ZNF318: variants seen among roughly 807,000 people sequenced by gnomAD.
ZNF318 encodes zinc finger protein 318.
Under a neutral mutation model 124.2 loss-of-function variants are expected in ZNF318, and 51 were observed. The ratio of observed to expected loss-of-function variants is 0.41; its 90% CI spans 0.33 to 0.52. The LOEUF (loss-of-function observed/expected upper bound fraction) is 0.52, where lower values mean the gene tolerates loss of function less well. Ranked by LOEUF, ZNF318 falls within the 20% of genes least tolerant of loss-of-function variation. The pLI, the probability that ZNF318 is intolerant of heterozygous loss-of-function variation, is 0.23. For synonymous variants in ZNF318, 1,090 were observed against 1,040.7 expected (o/e 1.05, Z -0.91); for missense variants, 2,815 against 2,811.2 (o/e 1.00, Z -0.03).
At chr6:43,357,064 T>C (rs1470444687) in intron 3 of ZNF318, 62 bp downstream of exon 3, 7 of 1,516,432 alleles carry the variant, frequency 4.6e-6, no homozygotes, top group Non-Finnish European at 8.8e-7. Flanking sequence ...CACAGGAAAG[T>C]AAGCAGGCTT....
intron 2 of ZNF318, among the ~76,000 whole-genome samples, chr6:43,362,880 G>A (rs1479599347): frequency 6.6e-6 from 1 of 152,194 alleles, no homozygotes; most frequent in Non-Finnish European, 1.5e-5. Context: ...GAGACAACCT[G>A]AGTATGCCAA....
rs185724180 is a variant in ZNF318 at position 43,337,915 on chromosome 6, C to A, written c.6083G>T (p.Arg2028Leu). ...TGGGGATCTATGTGCTGGGCTTACCCGAGTAGTGCAGAAATCAACAGGCAT... is the reference window on the plus strand; with the variant it reads ...TGGGGATCTATGTGCTGGGCTTACCAGAGTAGTGCAGAAATCAACAGGCAT... ...GDMPVDFCTT[R>L]VSPAHRSPTV... The change falls in exon 10 of 10, where the codon CGG becomes CTG. Residue 2028 changes from arginine (R) to leucine (L), a missense_variant. Around this residue, in one of 4 missense-constraint regions of ZNF318, gnomAD observed 927 missense variants for 820.6 expected, o/e 1.13. Transcript: ENST00000361428. 8 of 1,614,164 alleles carry A rather than the reference C, an allele frequency of 5.0e-6. No homozygotes were observed. The highest frequency in any genetic ancestry group is 2.7e-5 in the African/African-American group (2 of 75,046).
intron 5 of ZNF318, 122 bp downstream of exon 5, chr6:43,352,255 T>TTCACCACCATCATCTGTGA: frequency 1.4e-6 from 1 of 718,056 alleles, no homozygotes; most frequent in Admixed American, 2.8e-5. Flanking sequence ...TTTTGTAAGT[T>TTCACCACCATCATCTGTGA]TAATTACGTC....
intron 6 of ZNF318, among the ~76,000 whole-genome samples, chr6:43,346,209 A>T (rs995900915): frequency 1.9e-5 from 2 of 107,602 alleles, no homozygotes; most frequent in African/African-American, 3.3e-5. Context: ...AAAAAAAAAA[A>T]TGCTGGGCAG....
In ZNF318 at chr6:43,337,742, C is replaced by T; in HGVS notation, c.6256G>A (p.Glu2086Lys). 6.2e-7 allele frequency: 1 copy of T among 1,614,194 alleles called. No homozygotes were observed. Among genetic ancestry groups the T allele is most frequent in the Middle Eastern group, 1.6e-4 (1 of 6,062 alleles). Residue 2086 changes from glutamate (E) to lysine (K), a missense_variant, in exon 10 of 10, where the codon GAG (glutamate) becomes AAG (lysine). Glu to Lys is a moderately conservative substitution (Grantham distance 56). Coordinates refer to ENST00000361428, the MANE Select transcript of ZNF318 (RefSeq NM_014345.3). Reference sequence around the variant, plus strand: ...GGATTAGGTGAGTTTCGTTCACCCTCTGTCTCAAAGTCAAGCACCAAGGTT... The same window carrying T: ...GGATTAGGTGAGTTTCGTTCACCCTTTGTCTCAAAGTCAAGCACCAAGGTT... ...PKTLVLDFET[E>K]GERNSPNPRS...
In ZNF318 at chr6:43,339,653, G is replaced by T; in HGVS notation, c.4345C>A (p.Pro1449Thr). The part of the protein sequence containing the change: ...QILPPPPPPP[P>T]PPPPPPPVIP... ...ACGGGGGGTGGTGGAGGTGGTGGAG[G>T]TGGGGGTGGTGGAGGAGGTGGTAGT... The change falls in exon 10 of 10, where the codon CCT (proline) becomes ACT (threonine). Residue 1449 changes from proline to threonine, a missense_variant. Physicochemically the swap from Pro to Thr is conservative, Grantham distance 38. This residue lies in a region of ZNF318 where 500 missense variants were observed against 605.2 expected (regional missense o/e 0.83). Transcript: ENST00000361428. This position sits in a 1 kb window ranked among gnomAD's most constrained non-coding sequence, Gnocchi z 4.2. 1 of 1,609,632 alleles carries T rather than the reference G, an allele frequency of 6.2e-7. No individual in the cohort carries two copies. Among genetic ancestry groups the T allele is most frequent in the Non-Finnish European group, 8.5e-7 (1 of 1,178,674 alleles).
At position 43,357,180 on chromosome 6, in the gene ZNF318, C is replaced by T. The variant is rs774788594; in HGVS notation, c.1134G>A (p.Lys378=). 3.7e-6 allele frequency: 6 copies of T among 1,613,990 alleles called. No homozygotes were observed. The highest frequency in any genetic ancestry group is 1.7e-6 in the Non-Finnish European group (2 of 1,180,008). Residue 378 remains lysine, a synonymous_variant, in exon 3 of 10, where the codon AAG becomes AAA. Transcript: ENST00000361428. The part of the protein sequence containing the change: ...HRPEEVSVMP[K]KSILKKRIEV... ...CAATCCGCTTCTTCAAAATGGATTT[C>T]TTGGGCATCACAGATACTTCCTCAG...
In ZNF318 at chr6:43,342,869, A is replaced by G; in HGVS notation, c.3083T>C (p.Val1028Ala). The change falls in exon 7 of 10, where the codon GTA (valine) becomes GCA (alanine). Residue 1028 changes from valine (V) to alanine (A), a missense_variant. By Grantham distance (64) the Val-to-Ala change is moderately conservative. Transcript: ENST00000361428. Reference protein sequence around the residue: ...SNSSSNKESKVNNEKFRTKSP... With the variant: ...SNSSSNKESKANNEKFRTKSP... ...CTTAGTACGAAACTTCTCATTGTTT[A>G]CTTTTGATTCCTAGAGGGGAAAAAT... The G allele has an allele frequency of 6.2e-7, 1 of 1,610,524 alleles. No homozygotes were observed. Among genetic ancestry groups the G allele is most frequent in the Non-Finnish European group, 8.5e-7 (1 of 1,177,278 alleles).
intron 5 of ZNF318, 135 bp from the exon 6 acceptor site, chr6:43,348,760 G>T: frequency 9.5e-7 from 1 of 1,047,240 alleles, no homozygotes. Context: ...GTGGCTAGGC[G>T]TGGTGGCTCA....
chr6:43,343,249 G>A (rs1166115886), intron 6 of ZNF318, among the ~76,000 whole-genome samples: 1 of 152,150 alleles, frequency 6.6e-6, no homozygotes. Context: ...TGTTGAATAT[G>A]TTACCTATGC....
Position 43,340,432 on chromosome 6 carries a change from A to G in ZNF318, c.3566T>C (p.Val1189Ala). 1 of 1,613,838 alleles carries G rather than the reference A, an allele frequency of 6.2e-7. No homozygotes were observed. The change falls in exon 10 of 10, where the codon GTC becomes GCC. Residue 1189 changes from valine (V) to alanine (A), a missense_variant. By Grantham distance (64) the Val-to-Ala change is moderately conservative. Around this residue, in one of 4 missense-constraint regions of ZNF318, gnomAD observed 500 missense variants for 605.2 expected, o/e 0.83. Coordinates refer to ENST00000361428, the MANE Select transcript of ZNF318 (RefSeq NM_014345.3). ...NLDRQAGLAV[V>A]LETERRRQSE... ...CTGCCGTCGCCGTTCTGTCTCTAGGACCACAGCCAAGCCAGCTTGGCGGTC... is the reference window on the plus strand; with the variant it reads ...CTGCCGTCGCCGTTCTGTCTCTAGGGCCACAGCCAAGCCAGCTTGGCGGTC...
At position 43,368,950 on chromosome 6, in the gene ZNF318, A is replaced by G; in HGVS notation, c.399+17T>C. The G allele has an allele frequency of 7.3e-7, 1 of 1,379,068 alleles. No homozygotes were observed. The highest frequency in any genetic ancestry group is 9.4e-7 in the Non-Finnish European group (1 of 1,063,586). 85.4% of individuals were successfully genotyped at this position (1,379,068 alleles called of 1,614,324 possible). A position where few individuals can be genotyped will look rare whatever the true frequency, so the allele number is the denominator to read the frequency against. On this transcript the variant is annotated intron_variant, in intron 1 of 9. Transcript: ENST00000361428. The stretch of plus-strand genomic sequence containing the variant: ...GACTGGGGGATGGAGGGAGTCCTGG[A>G]CGAGGGGTGGGATTACCCGGCTGCC...
chr6:43,356,020 C>T lies in ZNF318; in HGVS notation c.1314G>A (p.Met438Ile). Residue 438 changes from methionine to isoleucine, a missense_variant, in exon 4 of 10, where the codon ATG becomes ATA. By Grantham distance (10) the Met-to-Ile change is conservative. This residue lies in a region of ZNF318 where 1,377 missense variants were observed against 1,353.5 expected (regional missense o/e 1.02). Coordinates refer to ENST00000361428, the MANE Select transcript of ZNF318 (RefSeq NM_014345.3). ...FASEIENKGT[M>I]VETALKEPQG... is the part of the protein sequence containing the mutation. ...GAGGTTCCTTCAAGGCAGTCTCTAC[C>T]ATAGTCCCCTTGTTTTCAATCTCTG... is the stretch of plus-strand genomic sequence containing the variant. 1 of 1,614,168 alleles carries T rather than the reference C, an allele frequency of 6.2e-7. No individual in the cohort carries two copies. Among genetic ancestry groups the T allele is most frequent in the Non-Finnish European group, 8.5e-7 (1 of 1,180,028 alleles).
chr6:43,363,901 C>T, intron 2 of ZNF318: 1 of 689,256 alleles, frequency 1.5e-6, no homozygotes. Flanking sequence ...GCTCTCCATT[C>T]TCCCTGTGCA....
Position 43,337,166 on chromosome 6 carries a change from G to T in ZNF318, c.6832C>A (p.His2278Asn). The T allele has an allele frequency of 6.3e-7, 1 of 1,584,272 alleles. No individual in the cohort carries two copies. Among genetic ancestry groups the T allele is most frequent in the South Asian group, 1.2e-5 (1 of 86,596 alleles). Residue 2278 changes from histidine to asparagine, a missense_variant, in exon 10 of 10, where the codon CAC becomes AAC. Physicochemically the swap from His to Asn is moderately conservative, Grantham distance 68 (BLOSUM62 1). Around this residue, in one of 4 missense-constraint regions of ZNF318, gnomAD observed 927 missense variants for 820.6 expected, o/e 1.13. Coordinates refer to ENST00000361428, the MANE Select transcript of ZNF318 (RefSeq NM_014345.3). ...AIQDHTESSV[H>N]N ...GCTCTAGGTATTTATTCTTAGTTGT[G>T]AACACTGGATTCTGTGTGGTCCTGG...
chr6:43,355,551 A>G lies in ZNF318; in HGVS notation c.1783T>C (p.Leu595=), dbSNP rs1363166298. The G allele has an allele frequency of 6.2e-7, 1 of 1,614,202 alleles. No homozygotes were observed. Among genetic ancestry groups the G allele is most frequent in the Non-Finnish European group, 8.5e-7 (1 of 1,180,042 alleles). ...TNPEYAKIHD[L]LKTIGLDIGV... Reference sequence around the variant, plus strand: ...ATATCCAGCCCTATTGTCTTGAGCAAGTCATGGATCTTCGCATATTCTGGA... The same window carrying G: ...ATATCCAGCCCTATTGTCTTGAGCAGGTCATGGATCTTCGCATATTCTGGA... Residue 595 remains leucine (L), a synonymous_variant, in exon 4 of 10, where the codon TTG becomes CTG. Transcript: ENST00000361428.
In ZNF318 at chr6:43,354,486, T is replaced by C. The variant is rs544127275; in HGVS notation, c.2670+178A>G. Among the ~76,000 whole-genome samples the C allele has an allele frequency of 4.6e-5, 7 of 152,330 alleles. No homozygotes were observed. The South Asian group carries it at 1.4e-3, about 32-fold the overall frequency. Reference sequence around the variant, plus strand: ...AGGCCAGACTTTTGTTTAGTCCTAATGATAAAACATGTGTGAAAAACAGAG... The same window carrying C: ...AGGCCAGACTTTTGTTTAGTCCTAACGATAAAACATGTGTGAAAAACAGAG... On this transcript the variant is annotated intron_variant, in intron 4 of 9. Transcript: ENST00000361428.
In ZNF318 at chr6:43,355,169, A is replaced by C; in HGVS notation, c.2165T>G (p.Ile722Ser). 1 of 1,614,234 alleles carries C rather than the reference A, an allele frequency of 6.2e-7. No homozygotes were observed. The highest frequency in any genetic ancestry group is 1.1e-5 in the South Asian group (1 of 91,084). Residue 722 changes from isoleucine to serine, a missense_variant, in exon 4 of 10, where the codon ATT (isoleucine) becomes AGT (serine). Around this residue, in one of 4 missense-constraint regions of ZNF318, gnomAD observed 1,377 missense variants for 1,353.5 expected, o/e 1.02. Coordinates refer to ENST00000361428, the MANE Select transcript of ZNF318 (RefSeq NM_014345.3). The stretch of plus-strand genomic sequence containing the variant: ...ACTACCAACCACCTCTGGTCCTGAA[A>C]TATGACCCACTGGATGGTCAGACTT... ...FLKSDHPVGH[I>S]SGPEVVGSGF... is the part of the protein sequence containing the mutation.
chr6:43,342,935 C>T, intron 6 of ZNF318, 56 bp from the exon 7 acceptor site: 1 of 1,443,004 alleles, frequency 6.9e-7, no homozygotes, highest in South Asian at 1.3e-5. Flanking sequence ...GACTTGTCTT[C>T]TGTTAGAAAT....
Sources: allele counts gnomAD v4.1 joint callset (sites outside exome capture counted in the v4.1 genomes callset), GRCh38; gene constraint gnomAD v4.1.1; regional missense constraint gnomAD v4.1.1; non-coding constraint Gnocchi (gnomAD v3.1); transcripts MANE v1.5; gene names NCBI Gene and HGNC (gene_info 2026-07-23, HGNC 2026-07-21).